Variants in MYO9A observed in about 807,000 individuals in gnomAD.
The protein encoded by MYO9A is unconventional myosin-IXa.
MYO9A carries 103 observed loss-of-function variants against 293.3 expected under a neutral mutation model. The observed-to-expected ratio is 0.35, with a 90% confidence interval of 0.30 to 0.41. The LOEUF (loss-of-function observed/expected upper bound fraction) is 0.41, where lower values mean the gene tolerates loss of function less well. Among genes scored for constraint, MYO9A ranks in the 10% least tolerant of loss-of-function variants. MYO9A has a pLI of 1.00. For missense variants in MYO9A, 2,685 were observed against 3,033.0 expected (o/e 0.89, Z 2.69); for synonymous variants, 1,001 against 1,035.7 (o/e 0.97, Z 0.64).
chr15:72,117,990 T>A lies in MYO9A; in HGVS notation c.-382A>T. The A allele has an allele frequency of 2.5e-6, 1 of 399,128 alleles. No individual in the cohort carries two copies. Among genetic ancestry groups the A allele is most frequent in the Non-Finnish European group, 4.4e-6 (1 of 226,706 alleles). The allele number at this position is 399,128 out of a possible 1,614,324, so 24.7% of individuals were successfully genotyped here. On this transcript the variant is annotated 5_prime_UTR_variant, in exon 1 of 42. Coordinates refer to ENST00000356056, the MANE Select transcript of MYO9A (RefSeq NM_006901.4). ...CGCCTCTGCCGGTGCAACTACTGCC[T>A]CCGCCGCCGCCTCTCGCAGTCCGGG...
chr15:71,847,594 C>T (rs151269994), intron 39 of MYO9A: 94 of 328,868 alleles, frequency 2.9e-4, no homozygotes, highest in African/African-American at 1.8e-3. Flanking sequence ...TGGAAAAAAG[C>T]GCAGCTTATC....
chr15:71,901,672 CAAA>C (rs1032236419), intron 22 of MYO9A, among the ~76,000 whole-genome samples: 6 of 147,120 alleles, frequency 4.1e-5, no homozygotes, highest in Admixed American at 4.1e-4. Flanking sequence ...AAAAAAAAGA[CAAA>C]AAAAGGAAGG....
At chr15:72,062,395 G>A (rs77390622) in intron 1 of MYO9A, among the ~76,000 whole-genome samples, 1 of 152,188 alleles carries the variant, frequency 6.6e-6, no homozygotes, top group Non-Finnish European at 1.5e-5. Flanking sequence ...ACAGAGATAT[G>A]TGACCTTTCA....
chr15:71,895,693 AATATAATCTAAT>A (rs1403001941), intron 25 of MYO9A, among the ~76,000 whole-genome samples: 1 of 152,004 alleles, frequency 6.6e-6, no homozygotes, highest in East Asian at 1.9e-4. Flanking sequence ...TGTAGAGTTT[AATATAATCTAAT>A]ATATAATAAT....
chr15:71,963,443 CTTTAT>C (rs929480434), intron 13 of MYO9A, among the ~76,000 whole-genome samples: 75 of 151,302 alleles, frequency 5.0e-4, no homozygotes, highest in African/African-American at 1.8e-3. Context: ...AGAGTTACGA[CTTTAT>C]TTTATTTTAT....
At chr15:72,088,375 TCTGTGC>T (rs2079808864) in intron 1 of MYO9A, among the ~76,000 whole-genome samples, 1 of 152,248 alleles carries the variant, frequency 6.6e-6, no homozygotes, top group South Asian at 2.1e-4. Context: ...GTCAATGCCT[TCTGTGC>T]CTACTTTGCC....
rs1462059714 is a variant in MYO9A, at chr15:71,823,370, AT to A, written c.*3209del. 1 of 152,230 alleles carries A rather than the reference AT, an allele frequency of 6.6e-6. No homozygotes were observed. Among genetic ancestry groups the A allele is most frequent in the Non-Finnish European group, 1.5e-5 (1 of 68,040 alleles). The allele number at this position is 152,230 out of a possible 1,614,324, so 9.4% of individuals were successfully genotyped here. A position where few individuals can be genotyped will look rare whatever the true frequency, so the allele number is the denominator to read the frequency against. On this transcript the variant is annotated 3_prime_UTR_variant, in exon 42 of 42. Coordinates refer to ENST00000356056, the MANE Select transcript of MYO9A (RefSeq NM_006901.4). Reference sequence around the variant, plus strand: ...TTATGAAACACAGAATGGAGTCTTCATTAATCTTCCAGCAGGGTAAGTGCTC... The same window carrying A: ...TTATGAAACACAGAATGGAGTCTTCATAATCTTCCAGCAGGGTAAGTGCTC...
At chr15:72,097,682 G>C (rs2080107624) in intron 1 of MYO9A, among the ~76,000 whole-genome samples, 1 of 152,080 alleles carries the variant, frequency 6.6e-6, no homozygotes, top group Non-Finnish European at 1.5e-5. Flanking sequence ...GGCCAAGGTG[G>C]GCGGATCATG....
At chr15:71,913,878 TGTA>T (rs1260530118) in intron 19 of MYO9A, among the ~76,000 whole-genome samples, 1 of 83,342 alleles carries the variant, frequency 1.2e-5, no homozygotes, top group Non-Finnish European at 3.2e-5. Flanking sequence ...TAATGCCTCA[TGTA>T]ATAAAAGGTC....
intron 36 of MYO9A, among the ~76,000 whole-genome samples, chr15:71,851,891 T>C (rs965865488): frequency 4.6e-5 from 7 of 152,198 alleles, no homozygotes; most frequent in Admixed American, 6.5e-5. Flanking sequence ...CATTTCTTTG[T>C]AAGAAGCAAC....
Position 72,046,448 on chromosome 15 carries a change from T to C in MYO9A, c.116A>G (p.Asn39Ser), listed in dbSNP as rs2078386921. 1 of 1,613,718 alleles carries C rather than the reference T, an allele frequency of 6.2e-7. No homozygotes were observed. The highest frequency in any genetic ancestry group is 1.3e-5 in the African/African-American group (1 of 74,848). ...CTCAATCACCTCAGCAGCTGTGGAG[T>C]TTTTTCTGGCAGGAATCGGACAGTA... ...TIYCPIPARK[N>S]STAAEVIESL... The change falls in exon 2 of 42, where the codon AAC (asparagine) becomes AGC (serine). Residue 39 changes from asparagine (N) to serine (S), a missense_variant. Around this residue, in one of 10 missense-constraint regions of MYO9A, gnomAD observed 67 missense variants for 63.2 expected, o/e 1.06. Coordinates refer to ENST00000356056, the MANE Select transcript of MYO9A (RefSeq NM_006901.4).
At chr15:72,003,908 C>T (rs989852696) in intron 8 of MYO9A, among the ~76,000 whole-genome samples, 3 of 152,116 alleles carry the variant, frequency 2.0e-5, no homozygotes, top group African/African-American at 7.2e-5. Flanking sequence ...ACATATTATT[C>T]TCTGCTAATG....
intron 1 of MYO9A, among the ~76,000 whole-genome samples, chr15:72,075,057 C>G (rs930143063): frequency 6.8e-6 from 1 of 147,590 alleles, no homozygotes; most frequent in Non-Finnish European, 1.5e-5. Context: ...CTCCACCTCC[C>G]AGGTTCAAGC....
intron 2 of MYO9A, chr15:72,040,075 A>C (rs2078179499): frequency 6.5e-6 from 1 of 154,396 alleles, no homozygotes; most frequent in Non-Finnish European, 1.4e-5. Flanking sequence ...GCATGGACAC[A>C]GGAATATGTC....
intron 29 of MYO9A, 145 bp downstream of exon 29, chr15:71,880,190 A>G: frequency 1.4e-6 from 1 of 734,078 alleles, no homozygotes; most frequent in East Asian, 2.7e-5. Context: ...TGCATATCCT[A>G]TTATTCACAC....
At chr15:71,862,637 T>G (rs781660027) in intron 32 of MYO9A, 26 bp from the exon 33 acceptor site, 2 of 1,491,384 alleles carry the variant, frequency 1.3e-6, no homozygotes, top group African/African-American at 2.8e-5. Flanking sequence ...TAGCTACTTA[T>G]ATTAAAGCCA....
At chr15:71,871,757 A>C (rs1402522461) in intron 32 of MYO9A, among the ~76,000 whole-genome samples, 1 of 151,700 alleles carries the variant, frequency 6.6e-6, no homozygotes, top group Non-Finnish European at 1.5e-5. Context: ...AATTTATCTA[A>C]GAAGGACAAA....
intron 18 of MYO9A, among the ~76,000 whole-genome samples, chr15:71,929,684 G>A (rs569828679): frequency 1.3e-5 from 2 of 152,304 alleles, no homozygotes; most frequent in South Asian, 4.1e-4. Flanking sequence ...TGAATATGGT[G>A]TAGTAGCATT....
intron 39 of MYO9A, among the ~76,000 whole-genome samples, chr15:71,845,674 C>T (rs541713310): frequency 6.6e-6 from 1 of 152,280 alleles, no homozygotes; most frequent in Non-Finnish European, 1.5e-5. Context: ...TGCTACCACA[C>T]ATTTAGTTTT....
Sources: gnomAD v4.1 joint callset for allele counts (sites outside exome capture counted in the v4.1 genomes callset) on GRCh38, gnomAD v4.1.1 for gene constraint, gnomAD v4.1.1 regional missense constraint, MANE v1.5 for transcripts, NCBI Gene and HGNC (gene_info 2026-07-23, HGNC 2026-07-21) for gene names.